CALCRL: variants seen among roughly 807,000 people sequenced by gnomAD.
CALCRL encodes the protein calcitonin receptor like receptor, also known as calcitonin gene-related peptide type 1 receptor.
A neutral mutation model predicts 60.4 loss-of-function variants in CALCRL; 27 were observed. The ratio of observed to expected loss-of-function variants is 0.45; its 90% CI spans 0.33 to 0.62. CALCRL has a LOEUF of 0.62. Among genes scored for constraint, CALCRL ranks in the 20% least tolerant of loss-of-function variants. The pLI, the probability that CALCRL is intolerant of heterozygous loss-of-function variation, is 0.03. For missense variants in CALCRL, 424 were observed against 540.7 expected, an observed-to-expected ratio of 0.78 and a Z score of 2.14; for synonymous variants, 190 against 182.6, an observed-to-expected ratio of 1.04 and a Z score of -0.33.
At chr2:187,386,219 TAGAG>T (rs1688201784) in intron 3 of CALCRL, among the ~76,000 whole-genome samples, 1 of 152,090 alleles carries the variant, frequency 6.6e-6, no homozygotes, top group African/African-American at 2.4e-5. Context: ...GGTATTACAA[TAGAG>T]AGTTTTTCAT....
At chr2:187,446,890 A>T (rs1691215148) in intron 1 of CALCRL, among the ~76,000 whole-genome samples, 1 of 151,952 alleles carries the variant, frequency 6.6e-6, no homozygotes, top group African/African-American at 2.4e-5. Flanking sequence ...AATGTGCCAG[A>T]TATAAGTGAT....
intron 1 of CALCRL, among the ~76,000 whole-genome samples, chr2:187,422,753 T>A (rs1021933352): frequency 3.3e-5 from 5 of 151,918 alleles, no homozygotes; most frequent in Non-Finnish European, 7.4e-5. Context: ...GATTAGGTTG[T>A]TTGTGGACAT....
intron 1 of CALCRL, among the ~76,000 whole-genome samples, chr2:187,404,388 C>T (rs1419175434): frequency 2.0e-5 from 3 of 151,644 alleles, no homozygotes; most frequent in African/African-American, 7.3e-5. Flanking sequence ...ATTTTGTTTT[C>T]CTAACAAAGA....
At chr2:187,444,351 T>G (rs1452914260) in intron 1 of CALCRL, among the ~76,000 whole-genome samples, 2 of 151,650 alleles carry the variant, frequency 1.3e-5, no homozygotes, top group South Asian at 2.1e-4. Context: ...TAGGGGTTAT[T>G]TATGTATTCA....
chr2:187,373,605 A>G (rs1687623013), intron 8 of CALCRL, among the ~76,000 whole-genome samples: 1 of 152,144 alleles, frequency 6.6e-6, no homozygotes, highest in Admixed American at 6.5e-5. Flanking sequence ...TTTATATTCA[A>G]ACCTCGTAAT....
At chr2:187,418,428 A>G (rs114850610) in intron 1 of CALCRL, among the ~76,000 whole-genome samples, 2,180 of 152,298 alleles carry the variant, frequency 0.014, 16 homozygotes, top group Non-Finnish European at 0.023. Flanking sequence ...GTACATTCCC[A>G]TATCTACTTA....
At position 187,342,580 on chromosome 2, in the gene CALCRL, G is replaced by A. The variant is rs922214316; in HGVS notation, c.*3604C>T. Among the ~76,000 whole-genome samples the A allele has an allele frequency of 1.3e-5, 2 of 151,450 alleles. No individual in the cohort carries two copies. The highest frequency in any genetic ancestry group is 4.8e-5 in the African/African-American group (2 of 41,364). ...CAAGAATATTCTTTCTTTGAGATTA[G>A]TATAATCACAAGGAGGAGAGATTAT... is the stretch of plus-strand genomic sequence containing the variant. On this transcript the variant is annotated 3_prime_UTR_variant, in exon 15 of 15. Coordinates refer to ENST00000392370, the MANE Select transcript of CALCRL (RefSeq NM_005795.6).
At chr2:187,395,501 T>C (rs1277770831) in intron 1 of CALCRL, among the ~76,000 whole-genome samples, 1 of 152,126 alleles carries the variant, frequency 6.6e-6, no homozygotes, top group Admixed American at 6.6e-5. Context: ...ACACATGTAC[T>C]GTCTCGTTTT....
At position 187,380,565 on chromosome 2, in the gene CALCRL, T is replaced by A; in HGVS notation, c.310A>T (p.Ile104Phe). ...AACCAGTTTCCATCTTGGTCACAGA[T>A]CTTTGTAACTTTTTCTTTAAAATTA... ...DFDPSEKVTKICDQDGNWFRH... is the reference protein window; with the variant it reads ...DFDPSEKVTKFCDQDGNWFRH... Residue 104 changes from isoleucine to phenylalanine, a missense_variant, in exon 7 of 15, where the codon ATC (isoleucine) becomes TTC (phenylalanine). Physicochemically the swap from Ile to Phe is conservative, Grantham distance 21. Around this residue, in one of 7 missense-constraint regions of CALCRL, gnomAD observed 108 missense variants for 132.9 expected, o/e 0.81. Transcript: ENST00000392370. The A allele has an allele frequency of 6.2e-7, 1 of 1,612,010 alleles. No individual in the cohort carries two copies. Among genetic ancestry groups the A allele is most frequent in the Non-Finnish European group, 8.5e-7 (1 of 1,178,570 alleles).
chr2:187,387,178 A>G (rs1171847078), intron 3 of CALCRL, among the ~76,000 whole-genome samples, 151 bp downstream of exon 3: 4 of 152,208 alleles, frequency 2.6e-5, no homozygotes, highest in African/African-American at 9.6e-5. Context: ...TAATGATTTT[A>G]TGACAGGGCT....
Position 187,383,155 on chromosome 2 carries a change from C to T in CALCRL, c.184+18G>A, listed in dbSNP as rs761681916. The stretch of plus-strand genomic sequence containing the variant: ...AAAAATATGTCAAATGCATTTACAA[C>T]TAAGTAGCCATGCTTACCTTCTGCT... On this transcript the variant is annotated intron_variant, in intron 5 of 14. Coordinates refer to ENST00000392370, the MANE Select transcript of CALCRL (RefSeq NM_005795.6). 49 of 1,604,880 alleles carry T rather than the reference C, an allele frequency of 3.1e-5. No individual in the cohort carries two copies. The highest frequency in any genetic ancestry group is 5.1e-5 in the Admixed American group (3 of 58,736).
At chr2:187,391,141 CAGG>C (rs754818143) in intron 1 of CALCRL, among the ~76,000 whole-genome samples, 49 of 152,260 alleles carry the variant, frequency 3.2e-4, no homozygotes, top group South Asian at 1.2e-3. Flanking sequence ...ACATTGTTCT[CAGG>C]AGAAGTATGT....
intron 1 of CALCRL, among the ~76,000 whole-genome samples, chr2:187,445,041 T>C (rs1691109434): frequency 6.6e-6 from 1 of 151,542 alleles, no homozygotes; most frequent in Admixed American, 6.6e-5. Flanking sequence ...GTCAGAAAAA[T>C]AGAACATACC....
At chr2:187,420,876 G>A (rs1266498683) in intron 1 of CALCRL, among the ~76,000 whole-genome samples, 1 of 152,106 alleles carries the variant, frequency 6.6e-6, no homozygotes, top group Non-Finnish European at 1.5e-5. Context: ...TGAGTTTTGT[G>A]AAAAGATTGA....
At position 187,380,571 on chromosome 2, in the gene CALCRL, T is replaced by C. The variant is rs1687943053; in HGVS notation, c.304A>G (p.Thr102Ala). ...TTTCCATCTTGGTCACAGATCTTTG[T>C]AACTTTTTCTTTAAAATTAAAAAAA... The part of the protein sequence containing the change: ...FQDFDPSEKV[T>A]KICDQDGNWF... Residue 102 changes from threonine (T) to alanine (A), a missense_variant, in exon 7 of 15, where the codon ACA (threonine) becomes GCA (alanine). By Grantham distance (58) the Thr-to-Ala change is moderately conservative (BLOSUM62 0). Around this residue, in one of 7 missense-constraint regions of CALCRL, gnomAD observed 108 missense variants for 132.9 expected, o/e 0.81. Coordinates refer to ENST00000392370, the MANE Select transcript of CALCRL (RefSeq NM_005795.6). 3 of 1,610,642 alleles carry C rather than the reference T, an allele frequency of 1.9e-6. No individual in the cohort carries two copies. The highest frequency in any genetic ancestry group is 1.3e-5 in the African/African-American group (1 of 74,714).
At chr2:187,431,204 T>A (rs545348346) in intron 1 of CALCRL, 1 of 154,880 alleles carries the variant, frequency 6.5e-6, no homozygotes, top group East Asian at 1.9e-4. Flanking sequence ...TATTTCTTAC[T>A]ATTGTTAACA....
chr2:187,383,221 A>G lies in CALCRL; in HGVS notation c.136T>C (p.Tyr46His), dbSNP rs995545514. 5 of 1,612,740 alleles carry G rather than the reference A, an allele frequency of 3.1e-6. No homozygotes were observed. The Admixed American group carries it at 5.0e-5, about 16-fold the overall frequency. The stretch of plus-strand genomic sequence containing the variant: ...TGCATAATCTTTTGGTAACATTCAT[A>G]TTGAGCTGTCATGATTTTATTTCTA... ...VTRNKIMTAQYECYQKIMQDP... is the reference protein window; with the variant it reads ...VTRNKIMTAQHECYQKIMQDP... Residue 46 changes from tyrosine (Y) to histidine (H), a missense_variant, in exon 5 of 15, where the codon TAT becomes CAT. This residue lies in a region of CALCRL where 108 missense variants were observed against 132.9 expected (regional missense o/e 0.81). Transcript: ENST00000392370.
intron 12 of CALCRL, among the ~76,000 whole-genome samples, chr2:187,354,562 G>A (rs1399662514): frequency 2.0e-5 from 3 of 151,892 alleles, no homozygotes; most frequent in Non-Finnish European, 4.4e-5. Context: ...CAATTACTAG[G>A]GCTCTTCTGA....
intron 1 of CALCRL, among the ~76,000 whole-genome samples, chr2:187,427,769 C>T (rs1396664050): frequency 6.6e-6 from 1 of 151,994 alleles, no homozygotes; most frequent in African/African-American, 2.4e-5. Context: ...TTTACTCATG[C>T]AACAGAAGCT....
Sources: allele counts gnomAD v4.1 joint callset (sites outside exome capture counted in the v4.1 genomes callset), GRCh38; gene constraint gnomAD v4.1.1; regional missense constraint gnomAD v4.1.1; transcripts MANE v1.5; gene names NCBI Gene and HGNC (gene_info 2026-07-23, HGNC 2026-07-21).